Variants in ADAMTS14 observed in about 807,000 individuals in gnomAD.
The protein encoded by ADAMTS14 is A disintegrin and metalloproteinase with thrombospondin motifs 14.
ADAMTS14 carries 100 observed loss-of-function variants against 128.6 expected under a neutral mutation model. The observed-to-expected ratio is 0.78, with a 90% CI of 0.66 to 0.92. ADAMTS14 has a LOEUF of 0.92. ADAMTS14 is among the 40% of genes least tolerant of loss of function. The pLI is 0.00. For missense variants in ADAMTS14, 1,562 were observed against 1,658.6 expected (o/e 0.94, Z 1.01); for synonymous variants, 665 against 653.8 (o/e 1.02, Z -0.26).
intron 3 of ADAMTS14, among the ~76,000 whole-genome samples, chr10:70,703,077 A>G (rs765555473): frequency 1.3e-5 from 2 of 152,326 alleles, no homozygotes; most frequent in Non-Finnish European, 2.9e-5. Flanking sequence ...AGGGCTTGGC[A>G]TGTAGTAGGT....
intron 13 of ADAMTS14, 114 bp downstream of exon 13, chr10:70,743,795 C>G: frequency 1.4e-6 from 2 of 1,391,524 alleles, no homozygotes; most frequent in East Asian, 2.6e-5. Flanking sequence ...TCGCAACACC[C>G]TGTTGGTCCT....
At chr10:70,685,697 G>A (rs1245503004) in intron 2 of ADAMTS14, among the ~76,000 whole-genome samples, 1 of 152,184 alleles carries the variant, frequency 6.6e-6, no homozygotes, top group Non-Finnish European at 1.5e-5. Flanking sequence ...TCCTGTCAGT[G>A]GAAAGGCCAA....
Position 70,689,703 on chromosome 10 carries a change from C to T in ADAMTS14, c.523-12609C>T, listed in dbSNP as rs971125288. Among the ~76,000 whole-genome samples the T allele has an allele frequency of 2.5e-4, 36 of 145,802 alleles. 1 individual carries two copies. The highest frequency in any genetic ancestry group is 8.5e-4 in the African/African-American group (35 of 41,082). On this transcript the variant is annotated intron_variant, in intron 2 of 21. Transcript: ENST00000373207. ...CGCTCCCTTGCCCCTGCAGTGTATT[C>T]GCCAACAGCAGCCTGGGCAGTCCTG... is the stretch of plus-strand genomic sequence containing the variant.
At position 70,730,236 on chromosome 10, in the gene ADAMTS14, C is replaced by G. The variant is rs1841591958; in HGVS notation, c.1089C>G (p.Asp363Glu). The change falls in exon 6 of 22, where the codon GAC (aspartate) becomes GAG (glutamate). Residue 363 changes from aspartate to glutamate, a missense_variant. Transcript: ENST00000373207. The stretch of plus-strand genomic sequence containing the variant: ...ACGTTGTGTTCCTCACCCGGCAGGA[C>G]TTTGGGCCCTCAGGTATGCAAGGTA... Reference protein sequence around the residue: ...HDHVVFLTRQDFGPSGYAPVT... With the variant: ...HDHVVFLTRQEFGPSGYAPVT... The G allele has an allele frequency of 6.2e-7, 1 of 1,614,006 alleles. No homozygotes were observed. Among genetic ancestry groups the G allele is most frequent in the Admixed American group, 1.7e-5 (1 of 60,026 alleles).
rs370449779 is a variant in ADAMTS14 at position 70,753,761 on chromosome 10, C to T, written c.2730-39C>T. On this transcript the variant is annotated intron_variant, in intron 18 of 21. Transcript: ENST00000373207. ...AAAGTGTCCTCTGGGATGAAGTGCC[C>T]CCTTGGTCTCACCTCCTCTCCTTTC... The T allele has an allele frequency of 9.9e-6, 15 of 1,509,474 alleles. No homozygotes were observed. The African/African-American group carries it at 1.9e-4, about 19-fold the overall frequency. 93.5% of individuals were successfully genotyped at this position (1,509,474 alleles called of 1,614,324 possible).
chr10:70,734,739 G>A (rs1351870165), intron 8 of ADAMTS14, among the ~76,000 whole-genome samples: 5 of 152,188 alleles, frequency 3.3e-5, no homozygotes, highest in Non-Finnish European at 5.9e-5. Flanking sequence ...CACTAGCCCC[G>A]TACAGGAGCT....
intron 4 of ADAMTS14, among the ~76,000 whole-genome samples, chr10:70,725,062 G>A (rs968502540): frequency 2.0e-5 from 3 of 151,806 alleles, no homozygotes; most frequent in Admixed American, 6.6e-5. Context: ...GTGAGTTCAG[G>A]ATTCTAGGTT....
intron 4 of ADAMTS14, among the ~76,000 whole-genome samples, chr10:70,723,811 C>T (rs1212233808): frequency 6.6e-6 from 1 of 152,198 alleles, no homozygotes; most frequent in Admixed American, 6.5e-5. Flanking sequence ...ATTCTCTCTC[C>T]TGGGCCAGAG....
intron 4 of ADAMTS14, among the ~76,000 whole-genome samples, chr10:70,727,713 A>C (rs955494207): frequency 6.6e-6 from 1 of 152,164 alleles, no homozygotes; most frequent in Non-Finnish European, 1.5e-5. Flanking sequence ...CACATCCCTG[A>C]CCACACTGCT....
At chr10:70,736,177 C>T (rs890866370) in intron 9 of ADAMTS14, among the ~76,000 whole-genome samples, 10 of 152,206 alleles carry the variant, frequency 6.6e-5, no homozygotes, top group African/African-American at 2.4e-4. Flanking sequence ...TATGGCTTCT[C>T]TGGACAATCT....
At chr10:70,729,001 T>C (rs934955558) in intron 4 of ADAMTS14, among the ~76,000 whole-genome samples, 1 of 152,020 alleles carries the variant, frequency 6.6e-6, no homozygotes, top group African/African-American at 2.4e-5. Flanking sequence ...TTGGTCAGAG[T>C]TGCTGAGTTT....
chr10:70,715,588 G>C (rs945133326), intron 4 of ADAMTS14, among the ~76,000 whole-genome samples: 5 of 152,138 alleles, frequency 3.3e-5, no homozygotes, highest in Non-Finnish European at 7.3e-5. Flanking sequence ...CTGAGGTGGA[G>C]AGCTGAAGGC....
At chr10:70,742,317 T>C (rs1230752053) in intron 12 of ADAMTS14, among the ~76,000 whole-genome samples, 1 of 151,840 alleles carries the variant, frequency 6.6e-6, no homozygotes, top group African/African-American at 2.4e-5. Context: ...ATCTGGTTCC[T>C]GTGGATGAAA....
chr10:70,723,665 C>T (rs1474266751), intron 4 of ADAMTS14, among the ~76,000 whole-genome samples: 1 of 152,224 alleles, frequency 6.6e-6, no homozygotes, highest in Non-Finnish European at 1.5e-5. Flanking sequence ...TGTTTGAGCG[C>T]GGGTGGGCTT....
chr10:70,744,892 G>C (rs1352728760), intron 14 of ADAMTS14, among the ~76,000 whole-genome samples: 1 of 152,080 alleles, frequency 6.6e-6, no homozygotes, highest in Non-Finnish European at 1.5e-5. Flanking sequence ...TAAGGTGTGA[G>C]AAGAAGCAGG....
chr10:70,685,918 T>C (rs2132546915), intron 2 of ADAMTS14, among the ~76,000 whole-genome samples: 1 of 152,274 alleles, frequency 6.6e-6, no homozygotes, highest in East Asian at 1.9e-4. Flanking sequence ...TTGTCTTCTC[T>C]GAAACTGGGA....
At chr10:70,728,569 G>A (rs1213260839) in intron 4 of ADAMTS14, among the ~76,000 whole-genome samples, 2 of 152,264 alleles carry the variant, frequency 1.3e-5, no homozygotes, top group African/African-American at 4.8e-5. Flanking sequence ...CTGTTCAGGA[G>A]CTTCCTGGCA....
intron 6 of ADAMTS14, among the ~76,000 whole-genome samples, chr10:70,731,447 G>C (rs1332723895): frequency 6.6e-6 from 1 of 152,182 alleles, no homozygotes; most frequent in Non-Finnish European, 1.5e-5. Context: ...AGCTCTGTCT[G>C]GGGGGACTGC....
At chr10:70,688,672 C>T in intron 2 of ADAMTS14, among the ~76,000 whole-genome samples, 2 of 114,456 alleles carry the variant, frequency 1.7e-5, no homozygotes, top group African/African-American at 6.2e-5. Context: ...TGGAGACTGG[C>T]CCGGCCAACA....
Sources: gnomAD v4.1 joint callset for allele counts (sites outside exome capture counted in the v4.1 genomes callset) on GRCh38, gnomAD v4.1.1 for gene constraint, MANE v1.5 for transcripts, NCBI Gene and HGNC (gene_info 2026-07-23, HGNC 2026-07-21) for gene names.